The following GRIA4 variants were observed in gnomAD, a reference collection of about 807,000 sequenced individuals.
GRIA4 encodes glutamate receptor 4.
Under a neutral mutation model 104.0 loss-of-function variants are expected in GRIA4, and 34 were observed. That is an observed-to-expected ratio of 0.33 (90% CI 0.25 to 0.44). GRIA4 has a LOEUF of 0.44. GRIA4 is among the 20% of genes least tolerant of loss of function. The pLI is 1.00. For synonymous variants in GRIA4, 386 were observed against 381.9 expected (o/e 1.01, Z -0.13); for missense variants, 750 against 1,096.5 (o/e 0.68, Z 4.46).
chr11:105,935,780 C>G (rs921419318), intron 14 of GRIA4, among the ~76,000 whole-genome samples: 1 of 152,164 alleles, frequency 6.6e-6, no homozygotes, highest in African/African-American at 2.4e-5. Context: ...TGCCTGACTC[C>G]CATTAATGGC....
chr11:105,749,592 T>A (rs1409661422), intron 3 of GRIA4, among the ~76,000 whole-genome samples: 1 of 152,228 alleles, frequency 6.6e-6, no homozygotes, highest in Non-Finnish European at 1.5e-5. Flanking sequence ...CTTTGATTTG[T>A]ATGTGATATA....
chr11:105,754,831 C>T (rs148923866), intron 4 of GRIA4, among the ~76,000 whole-genome samples: 126 of 152,264 alleles, frequency 8.3e-4, no homozygotes, highest in African/African-American at 2.2e-3. Flanking sequence ...ATTACTGCTA[C>T]GGAAGCTTGT....
intron 3 of GRIA4, among the ~76,000 whole-genome samples, chr11:105,714,547 T>C (rs1954025924): frequency 6.6e-6 from 1 of 152,138 alleles, no homozygotes. Context: ...TTGAGTATAC[T>C]TTATTATAAA....
At chr11:105,946,175 A>G (rs894550969) in intron 14 of GRIA4, among the ~76,000 whole-genome samples, 1 of 152,188 alleles carries the variant, frequency 6.6e-6, no homozygotes, top group Non-Finnish European at 1.5e-5. Flanking sequence ...GGTTTTCACT[A>G]TAACCTCTCA....
At chr11:105,814,396 T>C (rs1471332188) in intron 4 of GRIA4, among the ~76,000 whole-genome samples, 3 of 152,334 alleles carry the variant, frequency 2.0e-5, no homozygotes, top group Non-Finnish European at 4.4e-5. Flanking sequence ...AAAGTATTAA[T>C]GAAAGTGTCC....
At chr11:105,949,509 T>G (rs953239798) in intron 14 of GRIA4, among the ~76,000 whole-genome samples, 9 of 152,252 alleles carry the variant, frequency 5.9e-5, no homozygotes, top group African/African-American at 2.2e-4. Context: ...AAGAAAAGAT[T>G]TACATAGATC....
intron 3 of GRIA4, among the ~76,000 whole-genome samples, chr11:105,624,818 T>C (rs1298336166): frequency 3.3e-5 from 5 of 152,210 alleles, no homozygotes; most frequent in African/African-American, 1.2e-4. Flanking sequence ...CATTTCCAAA[T>C]TTACTATTTA....
intron 3 of GRIA4, among the ~76,000 whole-genome samples, chr11:105,630,741 G>A (rs1422703876): frequency 6.6e-6 from 1 of 151,958 alleles, no homozygotes; most frequent in Non-Finnish European, 1.5e-5. Flanking sequence ...AATTAAAAAT[G>A]GAAAACAGTT....
At chr11:105,915,745 T>G (rs1316192990) in intron 10 of GRIA4, among the ~76,000 whole-genome samples, 1 of 152,206 alleles carries the variant, frequency 6.6e-6, no homozygotes, top group Non-Finnish European at 1.5e-5. Context: ...CTAAGTCATA[T>G]GAAATCTCAA....
At chr11:105,774,677 T>C (rs1354142331) in intron 4 of GRIA4, among the ~76,000 whole-genome samples, 1 of 152,160 alleles carries the variant, frequency 6.6e-6, no homozygotes, top group East Asian at 1.9e-4. Context: ...CCAAAATTTA[T>C]AGCCCTATCA....
At chr11:105,668,185 C>G (rs578061571) in intron 3 of GRIA4, among the ~76,000 whole-genome samples, 1 of 115,930 alleles carries the variant, frequency 8.6e-6, no homozygotes, top group Non-Finnish European at 1.7e-5. Flanking sequence ...CTGAATAATA[C>G]TCCATTGCAT....
At chr11:105,610,649 G>A (rs935886050) in intron 1 of GRIA4, 4 of 228,326 alleles carry the variant, frequency 1.8e-5, no homozygotes, top group East Asian at 2.1e-4. Context: ...GTGCGAGTGA[G>A]GCAAAGATAG....
At position 105,814,085 on chromosome 11, in the gene GRIA4, T is replaced by C. The variant is rs184183199; in HGVS notation, c.488-47939T>C. On this transcript the variant is annotated intron_variant, in intron 4 of 16. Transcript: ENST00000282499. ...TGCTGAACCAAAAAAGAACTTGATG[T>C]GTTGCAAAATGAGCAAGGAAGGAGG... is the stretch of plus-strand genomic sequence containing the variant. Among the ~76,000 whole-genome samples the C allele has an allele frequency of 3.2e-3, 481 of 152,206 alleles. 5 individuals carry two copies. Among genetic ancestry groups the C allele is most frequent in the South Asian group, 6.8e-3 (33 of 4,822 alleles).
At chr11:105,776,126 A>G (rs956168906) in intron 4 of GRIA4, among the ~76,000 whole-genome samples, 1 of 152,122 alleles carries the variant, frequency 6.6e-6, no homozygotes, top group East Asian at 1.9e-4. Context: ...AGATAAAGAC[A>G]TTGAGATTCA....
At chr11:105,910,679 A>G in intron 10 of GRIA4, 134 bp downstream of exon 10, 2 of 584,404 alleles carry the variant, frequency 3.4e-6, no homozygotes, top group Non-Finnish European at 6.2e-6. Flanking sequence ...ACAAAATCCT[A>G]TTGAGGCTTT....
chr11:105,640,407 CAATT>C (rs1023398453), intron 3 of GRIA4, among the ~76,000 whole-genome samples: 2 of 151,698 alleles, frequency 1.3e-5, no homozygotes, highest in African/African-American at 4.8e-5. Flanking sequence ...ACAAACAAAA[CAATT>C]AAAATAATAA....
At chr11:105,811,610 C>T (rs1232412984) in intron 4 of GRIA4, among the ~76,000 whole-genome samples, 2 of 152,088 alleles carry the variant, frequency 1.3e-5, no homozygotes, top group African/African-American at 4.8e-5. Context: ...TTGAGCTGCC[C>T]GACAAAATGC....
chr11:105,954,792 G>C (rs1275634200), intron 14 of GRIA4, among the ~76,000 whole-genome samples: 3 of 151,732 alleles, frequency 2.0e-5, no homozygotes, highest in Non-Finnish European at 4.4e-5. Context: ...TGGGGGTTAG[G>C]TCTGAGCATG....
chr11:105,946,030 T>G (rs2136232390), intron 14 of GRIA4, among the ~76,000 whole-genome samples: 1 of 152,286 alleles, frequency 6.6e-6, no homozygotes, highest in South Asian at 2.1e-4. Flanking sequence ...CTATACAAAC[T>G]TAGTGAGATT....
Sources: allele counts gnomAD v4.1 joint callset (sites outside exome capture counted in the v4.1 genomes callset), GRCh38; gene constraint gnomAD v4.1.1; transcripts MANE v1.5; gene names NCBI Gene and HGNC (gene_info 2026-07-23, HGNC 2026-07-21).